ADAMTS16: variants seen among roughly 807,000 people sequenced by gnomAD.
ADAMTS16 encodes A disintegrin and metalloproteinase with thrombospondin motifs 16.
A neutral mutation model predicts 145.8 loss-of-function variants in ADAMTS16; 94 were observed. The observed-to-expected ratio is 0.64, with a 90% confidence interval of 0.55 to 0.77. ADAMTS16 has a LOEUF of 0.77. Among genes scored for constraint, ADAMTS16 ranks in the 30% least tolerant of loss-of-function variants. The probability of loss-of-function intolerance (pLI) is 0.00; values close to 1 mark genes in which losing one functional copy is unlikely to be tolerated. For synonymous variants in ADAMTS16, 659 were observed against 604.3 expected (o/e 1.09, Z -1.33); for missense variants, 1,585 against 1,591.5 (o/e 1.00, Z 0.07).
At position 5,191,762 on chromosome 5, in the gene ADAMTS16, T is replaced by C. The variant is rs536231873; in HGVS notation, c.1285T>C (p.Phe429Leu). 1.9e-6 allele frequency: 3 copies of C among 1,613,488 alleles called. No homozygotes were observed. The East Asian group carries it at 6.7e-5, about 36-fold the overall frequency. ...TGAAGATACAGGTCTTGGACTGGCC[T>C]TCACCATTGCCCATGAGTCTGGACA... ...INEDTGLGLAFTIAHESGHNF... is the reference protein window; with the variant it reads ...INEDTGLGLALTIAHESGHNF... Residue 429 changes from phenylalanine to leucine, a missense_variant, in exon 8 of 23, where the codon TTC (phenylalanine) becomes CTC (leucine). By Grantham distance (22) the Phe-to-Leu change is conservative. Coordinates refer to ENST00000274181, the MANE Select transcript of ADAMTS16 (RefSeq NM_139056.4).
At chr5:5,182,470 AG>A (rs1180367458) in intron 4 of ADAMTS16, among the ~76,000 whole-genome samples, 165 bp downstream of exon 4, 1 of 152,164 alleles carries the variant, frequency 6.6e-6, no homozygotes, top group African/African-American at 2.4e-5. Context: ...CTTATCTGTA[AG>A]TTCAGCACGG....
chr5:5,298,886 G>A (rs770708612), intron 18 of ADAMTS16, among the ~76,000 whole-genome samples: 3 of 152,164 alleles, frequency 2.0e-5, no homozygotes, highest in Non-Finnish European at 4.4e-5. Flanking sequence ...TCAGTGACAC[G>A]AATGGTTTAA....
At chr5:5,275,206 CATCA>C (rs748607775) in intron 18 of ADAMTS16, among the ~76,000 whole-genome samples, 1 of 152,180 alleles carries the variant, frequency 6.6e-6, no homozygotes, top group East Asian at 1.9e-4. Flanking sequence ...TTCTCTGACC[CATCA>C]ATAATTTAGA....
In ADAMTS16 at chr5:5,235,231, C is replaced by T. The variant is rs371702286; in HGVS notation, c.2023+45C>T. The T allele has an allele frequency of 3.3e-5, 48 of 1,456,026 alleles. No individual in the cohort carries two copies. The African/African-American group carries it at 6.4e-4, about 19-fold the overall frequency. The allele number at this position is 1,456,026 out of a possible 1,614,324, so 90.2% of individuals were successfully genotyped here. A position where few individuals can be genotyped will look rare whatever the true frequency, so the allele number is the denominator to read the frequency against. ...CGGGTAATAGCCTCATGCTTTACTA[C>T]CTTTACTTTTTAAAGAAGTACATGA... On this transcript the variant is annotated intron_variant, in intron 13 of 22. Transcript: ENST00000274181.
At chr5:5,220,023 T>G (rs1045193300) in intron 10 of ADAMTS16, among the ~76,000 whole-genome samples, 1 of 152,176 alleles carries the variant, frequency 6.6e-6, no homozygotes, top group Non-Finnish European at 1.5e-5. Context: ...ACGTAAAGCT[T>G]TCCTGGTCCT....
rs115892769 is a variant in ADAMTS16 at position 5,182,251 on chromosome 5, G to A, written c.709G>A (p.Asp237Asn). 58 of 1,614,048 alleles carry A rather than the reference G, an allele frequency of 3.6e-5. No individual in the cohort carries two copies. The highest frequency in any genetic ancestry group is 2.8e-4 in the Admixed American group (17 of 60,030). ...ELAHQPLHSSDLRLGLPQKQH... is the reference protein window; with the variant it reads ...ELAHQPLHSSNLRLGLPQKQH... ...GGCACATCAACCCCTGCACAGCAGC[G>A]ACCTTCGCCTGGGACTGCCACAAAA... The change falls in exon 4 of 23, where the codon GAC (aspartate) becomes AAC (asparagine). Residue 237 changes from aspartate (D) to asparagine (N), a missense_variant. By Grantham distance (23) the Asp-to-Asn change is conservative. This residue lies in a region of ADAMTS16 where 453 missense variants were observed against 412.1 expected (regional missense o/e 1.10). Coordinates refer to ENST00000274181, the MANE Select transcript of ADAMTS16 (RefSeq NM_139056.4).
chr5:5,167,183 T>C (rs1336412827), intron 3 of ADAMTS16, among the ~76,000 whole-genome samples: 1 of 152,230 alleles, frequency 6.6e-6, no homozygotes, highest in African/African-American at 2.4e-5. Context: ...GAACCTAAGC[T>C]TCATGAGGAT....
At chr5:5,305,727 GAA>G (rs767493124) in intron 20 of ADAMTS16, among the ~76,000 whole-genome samples, 2 of 152,198 alleles carry the variant, frequency 1.3e-5, no homozygotes, top group Non-Finnish European at 1.5e-5. Flanking sequence ...CTCTGCTGGG[GAA>G]CCTGGGGACA....
At chr5:5,210,053 A>G (rs1736233497) in intron 10 of ADAMTS16, among the ~76,000 whole-genome samples, 2 of 152,204 alleles carry the variant, frequency 1.3e-5, no homozygotes, top group Admixed American at 1.3e-4. Flanking sequence ...GATCAATTCC[A>G]GCTATGTGCC....
intron 9 of ADAMTS16, among the ~76,000 whole-genome samples, chr5:5,207,486 G>A (rs1736159597): frequency 6.6e-6 from 1 of 152,070 alleles, no homozygotes; most frequent in African/African-American, 2.4e-5. Context: ...TATGAACAAA[G>A]ATAGTTTTAT....
At chr5:5,150,235 C>A (rs568372794) in intron 3 of ADAMTS16, among the ~76,000 whole-genome samples, 2 of 152,162 alleles carry the variant, frequency 1.3e-5, no homozygotes, top group African/African-American at 4.8e-5. Context: ...CCAGTGAGTA[C>A]GAAGTAGTAT....
chr5:5,184,635 G>T (rs558203114), intron 4 of ADAMTS16, among the ~76,000 whole-genome samples: 1 of 152,276 alleles, frequency 6.6e-6, no homozygotes, highest in South Asian at 2.1e-4. Flanking sequence ...CAATAGTGAG[G>T]TTGGACCTCA....
chr5:5,294,240 A>AG (rs1310133457), intron 18 of ADAMTS16, among the ~76,000 whole-genome samples: 3 of 152,220 alleles, frequency 2.0e-5, no homozygotes, highest in Admixed American at 6.5e-5. Context: ...TGCCTGTGTG[A>AG]GGTAAAGGCT....
Position 5,239,861 on chromosome 5 carries a change from GGTCCT to G in ADAMTS16, c.2460_2464del (p.Ser821Ter). On this transcript the variant is annotated frameshift_variant, in exon 16 of 23. Coordinates refer to ENST00000274181, the MANE Select transcript of ADAMTS16 (RefSeq NM_139056.4). LOFTEE classifies it high-confidence loss of function. The stretch of plus-strand genomic sequence containing the variant: ...TCGGGCACTACTTTCGACTACAGAC[GGTCCT>G]ATAATGAGCCCGAGAACTTAATCGC... 1 of 1,614,036 alleles carries G rather than the reference GGTCCT, an allele frequency of 6.2e-7. No homozygotes were observed. Among genetic ancestry groups the G allele is most frequent in the African/African-American group, 1.3e-5 (1 of 74,982 alleles).
intron 18 of ADAMTS16, among the ~76,000 whole-genome samples, chr5:5,285,053 G>C (rs192257595): frequency 6.6e-6 from 1 of 152,132 alleles, no homozygotes; most frequent in African/African-American, 2.4e-5. Flanking sequence ...ACTTGATTTG[G>C]GGAAAAGGAA....
intron 10 of ADAMTS16, among the ~76,000 whole-genome samples, chr5:5,215,177 A>G (rs962596199): frequency 6.6e-6 from 1 of 152,230 alleles, no homozygotes; most frequent in African/African-American, 2.4e-5. Flanking sequence ...TTTGATGTGT[A>G]TGTATGTTTA....
intron 3 of ADAMTS16, among the ~76,000 whole-genome samples, chr5:5,174,383 C>A (rs1195576326): frequency 4.8e-5 from 7 of 145,028 alleles, no homozygotes. Flanking sequence ...TTTTTTTTTT[C>A]TTTATCATTG....
chr5:5,297,182 T>C (rs1380297145), intron 18 of ADAMTS16, among the ~76,000 whole-genome samples: 5 of 152,142 alleles, frequency 3.3e-5, no homozygotes, highest in African/African-American at 1.2e-4. Context: ...AGAGCAAAGA[T>C]GGGGACCACT....
In ADAMTS16 at chr5:5,239,940, C is replaced by A; in HGVS notation, c.2523+15C>A. The A allele has an allele frequency of 6.2e-7, 1 of 1,611,818 alleles. No homozygotes were observed. Among genetic ancestry groups the A allele is most frequent in the East Asian group, 2.2e-5 (1 of 44,796 alleles). ...TGATTGTGGAGGTAAAGTCCAGCCT[C>A]TTGATTTTGGGGCTTGGATTTTGGG... On this transcript the variant is annotated intron_variant, in intron 16 of 22. Transcript: ENST00000274181.
Sources: allele counts gnomAD v4.1 joint callset (sites outside exome capture counted in the v4.1 genomes callset), GRCh38; gene constraint gnomAD v4.1.1; regional missense constraint gnomAD v4.1.1; transcripts MANE v1.5; gene names NCBI Gene and HGNC (gene_info 2026-07-23, HGNC 2026-07-21).